The following ITGB6 variants were observed in gnomAD, a reference collection of about 807,000 sequenced individuals.
The protein encoded by ITGB6 is integrin subunit beta 6.
In ITGB6, 80 loss-of-function variants were observed where a neutral mutation model predicts 84.5. The ratio of observed to expected loss-of-function variants is 0.95; its 90% CI spans 0.79 to 1.14. The LOEUF is 1.14. Among genes scored for constraint, ITGB6 ranks in the 50% most tolerant of loss-of-function variants. The pLI, the probability that ITGB6 is intolerant of heterozygous loss-of-function variation, is 0.00. For synonymous variants in ITGB6, 383 were observed against 354.9 expected (o/e 1.08, Z -0.89); for missense variants, 1,006 against 968.0 (o/e 1.04, Z -0.52).
intron 6 of ITGB6, 22 bp downstream of exon 6, chr2:160,172,547 G>A: frequency 6.4e-7 from 1 of 1,568,788 alleles, no homozygotes; most frequent in Non-Finnish European, 8.7e-7. Flanking sequence ...CCTGAAAACA[G>A]TACAGAGTGC....
intron 4 of ITGB6, among the ~76,000 whole-genome samples, chr2:160,181,045 G>A (rs1201354197): frequency 6.6e-6 from 1 of 152,178 alleles, no homozygotes; most frequent in Non-Finnish European, 1.5e-5. Context: ...TGGGTCTCAA[G>A]CACAAAACTG....
rs1004590412 is a variant in ITGB6, at chr2:160,172,359, T to A, written c.921+210A>T. On this transcript the variant is annotated intron_variant, in intron 6 of 14. Coordinates refer to ENST00000283249, the MANE Select transcript of ITGB6 (RefSeq NM_000888.5). ...CTGGGATCATGGGATTCATAGCAGATCTAACTTCCCACATGTCCCACCGTC... is the reference window on the plus strand; with the variant it reads ...CTGGGATCATGGGATTCATAGCAGAACTAACTTCCCACATGTCCCACCGTC... 2.0e-5 allele frequency among the ~76,000 whole-genome samples: 3 copies of A among 152,184 alleles called. No homozygotes were observed. In the East Asian group the frequency reaches 5.8e-4, roughly 29 times the overall value.
intron 7 of ITGB6, among the ~76,000 whole-genome samples, chr2:160,160,965 C>T (rs956117511): frequency 6.6e-6 from 1 of 152,106 alleles, no homozygotes; most frequent in African/African-American, 2.4e-5. Flanking sequence ...GTTTTGTTCA[C>T]AGATGTCAAA....
chr2:160,181,253 T>A (rs1435553695), intron 4 of ITGB6, among the ~76,000 whole-genome samples: 1 of 152,184 alleles, frequency 6.6e-6, no homozygotes, highest in Non-Finnish European at 1.5e-5. Flanking sequence ...AAATTCTCGC[T>A]GCCAGCACAG....
intron 7 of ITGB6, among the ~76,000 whole-genome samples, chr2:160,154,944 C>T (rs1684568280): frequency 6.6e-6 from 1 of 152,120 alleles, no homozygotes; most frequent in Non-Finnish European, 1.5e-5. Flanking sequence ...GTGAATGGAT[C>T]ATGGGGTGAA....
At chr2:160,142,119 T>C in intron 7 of ITGB6, 48 bp from the exon 8 acceptor site, 2 of 1,250,784 alleles carry the variant, frequency 1.6e-6, no homozygotes, top group South Asian at 2.6e-5. Flanking sequence ...TCATGGTAAT[T>C]GAGAAAAGTG....
chr2:160,181,035 T>G (rs2105880184), intron 4 of ITGB6, among the ~76,000 whole-genome samples: 1 of 152,190 alleles, frequency 6.6e-6, no homozygotes, highest in East Asian at 1.9e-4. Context: ...ACCAGGGCCC[T>G]GGGTCTCAAG....
intron 10 of ITGB6, among the ~76,000 whole-genome samples, chr2:160,136,699 C>G (rs535267893): frequency 6.6e-6 from 1 of 152,166 alleles, no homozygotes; most frequent in African/African-American, 2.4e-5. Context: ...GGCACATATA[C>G]GCCATGGAAT....
intron 7 of ITGB6, among the ~76,000 whole-genome samples, chr2:160,159,227 A>G (rs994673393): frequency 2.6e-5 from 4 of 152,096 alleles, no homozygotes; most frequent in Non-Finnish European, 5.9e-5. Flanking sequence ...AAATAAAAAG[A>G]AAAAAACCAC....
At chr2:160,159,270 C>T (rs1315530522) in intron 7 of ITGB6, among the ~76,000 whole-genome samples, 2 of 152,168 alleles carry the variant, frequency 1.3e-5, no homozygotes, top group East Asian at 1.9e-4. Flanking sequence ...GAGATACTAA[C>T]TCAATTGGAT....
intron 4 of ITGB6, among the ~76,000 whole-genome samples, chr2:160,176,956 C>A (rs1403572018): frequency 6.6e-6 from 1 of 152,156 alleles, no homozygotes; most frequent in African/African-American, 2.4e-5. Context: ...TATGTACAAA[C>A]TATTCCATAT....
chr2:160,140,002 T>C (rs1328886033), intron 8 of ITGB6, among the ~76,000 whole-genome samples: 2 of 152,206 alleles, frequency 1.3e-5, no homozygotes, highest in Non-Finnish European at 2.9e-5. Context: ...AAACACAAAT[T>C]GTCTACCTCT....
chr2:160,195,662 T>C (rs1227618123), intron 3 of ITGB6, 47 bp from the exon 4 acceptor site: 1 of 1,608,334 alleles, frequency 6.2e-7, no homozygotes, highest in African/African-American at 1.3e-5. Flanking sequence ...CACACTGAGA[T>C]TTATTTGCTA....
intron 7 of ITGB6, among the ~76,000 whole-genome samples, chr2:160,153,142 C>T (rs905900100): frequency 3.3e-5 from 5 of 152,094 alleles, no homozygotes; most frequent in African/African-American, 9.7e-5. Flanking sequence ...CAATCTTAAG[C>T]AAAAAGAACA....
At chr2:160,156,115 T>C (rs1394045368) in intron 7 of ITGB6, among the ~76,000 whole-genome samples, 1 of 152,248 alleles carries the variant, frequency 6.6e-6, no homozygotes, top group Non-Finnish European at 1.5e-5. Context: ...TCATCATTGT[T>C]GTCATCAAGG....
intron 2 of ITGB6, among the ~76,000 whole-genome samples, chr2:160,197,348 T>C (rs1221869622): frequency 6.6e-6 from 1 of 151,912 alleles, no homozygotes; most frequent in Non-Finnish European, 1.5e-5. Context: ...CCCACAAGGA[T>C]AGCAGAGGGG....
intron 8 of ITGB6, among the ~76,000 whole-genome samples, chr2:160,140,487 G>A (rs1683958256): frequency 3.3e-5 from 5 of 152,292 alleles, no homozygotes; most frequent in Middle Eastern, 3.4e-3. Context: ...TAGTTTCTCC[G>A]ATGATGTTAG....
chr2:160,136,284 A>G lies in ITGB6; in HGVS notation c.1660+1150T>C, dbSNP rs530522351. 5.6e-3 allele frequency among the ~76,000 whole-genome samples: 858 copies of G among 152,370 alleles called. 10 individuals carry two copies. Among genetic ancestry groups the G allele is most frequent in the African/African-American group, 0.019 (804 of 41,590 alleles). ...TCAAAAGAAGACATTTATGCAGCCA[A>G]AAGACACATGAAAAAATGCTCATCA... On this transcript the variant is annotated intron_variant, in intron 10 of 14. Coordinates refer to ENST00000283249, the MANE Select transcript of ITGB6 (RefSeq NM_000888.5).
intron 12 of ITGB6, among the ~76,000 whole-genome samples, chr2:160,117,518 T>G (rs1559099708): frequency 6.6e-6 from 1 of 151,780 alleles, no homozygotes; most frequent in Non-Finnish European, 1.5e-5. Context: ...CAAAGCAGTG[T>G]GCAGAGTGAA....
Sources: allele counts gnomAD v4.1 joint callset (sites outside exome capture counted in the v4.1 genomes callset), GRCh38; gene constraint gnomAD v4.1.1; transcripts MANE v1.5; gene names NCBI Gene and HGNC (gene_info 2026-07-23, HGNC 2026-07-21).